Variants in TUSC3 observed in about 807,000 individuals in gnomAD.
The protein encoded by TUSC3 is tumor suppressor candidate 3, also known as dolichyl-diphosphooligosaccharide--protein glycosyltransferase subunit TUSC3.
A neutral mutation model predicts 44.8 loss-of-function variants in TUSC3; 45 were observed. The observed-to-expected ratio is 1.00, with a 90% confidence interval of 0.79 to 1.29. The LOEUF is 1.29. TUSC3 is among the 50% of genes most tolerant of loss of function. TUSC3 has a pLI of 0.00. For missense variants in TUSC3, 519 were observed against 437.9 expected (o/e 1.19, Z -1.65); for synonymous variants, 212 against 152.9 (o/e 1.39, Z -2.85).
At chr8:15,799,760 A>G in the TUSC3 span, among the ~76,000 whole-genome samples, 1 of 152,178 alleles carries the variant, frequency 6.6e-6, no homozygotes, top group Non-Finnish European at 1.5e-5. Flanking sequence ...AGGACTATGA[A>G]GGGTCTGAAA....
At chr8:15,686,217 G>T (rs1308799741) in intron 6 of TUSC3, among the ~76,000 whole-genome samples, 1 of 152,022 alleles carries the variant, frequency 6.6e-6, no homozygotes, top group African/African-American at 2.4e-5. Context: ...AATTTTTGTT[G>T]TTAAAAAAGC....
chr8:15,792,624 G>C, the TUSC3 span, among the ~76,000 whole-genome samples: 1 of 151,548 alleles, frequency 6.6e-6, no homozygotes, highest in South Asian at 2.1e-4. Flanking sequence ...TTTTTTGTTT[G>C]TTTCTTTTTG....
chr8:15,419,449 C>A (rs749888728), intron 1 of TUSC3, among the ~76,000 whole-genome samples: 1 of 152,120 alleles, frequency 6.6e-6, no homozygotes, highest in Non-Finnish European at 1.5e-5. Context: ...CGCCAGCAAT[C>A]ATAATATTTT....
chr8:15,825,885 C>CTTTT, the TUSC3 span, among the ~76,000 whole-genome samples: 3 of 120,380 alleles, frequency 2.5e-5, no homozygotes, highest in Non-Finnish European at 5.4e-5. Flanking sequence ...ACAGTTGTTT[C>CTTTT]TTTTTTTTTT....
chr8:15,680,544 T>C (rs954433236), intron 6 of TUSC3, among the ~76,000 whole-genome samples: 1 of 152,140 alleles, frequency 6.6e-6, no homozygotes, highest in African/African-American at 2.4e-5. Context: ...AGAGAGATAC[T>C]TTGACTTATT....
At chr8:15,738,685 GT>G (rs1452618167) in intron 7 of TUSC3, among the ~76,000 whole-genome samples, 3 of 152,012 alleles carry the variant, frequency 2.0e-5, no homozygotes, top group East Asian at 3.9e-4. Flanking sequence ...AACAGTTACT[GT>G]TTTTATCTTT....
intron 2 of TUSC3, among the ~76,000 whole-genome samples, chr8:15,485,237 C>T (rs1036197192): frequency 6.6e-6 from 1 of 152,128 alleles, no homozygotes; most frequent in Non-Finnish European, 1.5e-5. Flanking sequence ...TTTCAGACAT[C>T]GGCAGTGCAG....
At chr8:15,491,695 G>C (rs1179480607) in intron 2 of TUSC3, among the ~76,000 whole-genome samples, 1 of 152,114 alleles carries the variant, frequency 6.6e-6, no homozygotes, top group Non-Finnish European at 1.5e-5. Flanking sequence ...GAGAAACTAA[G>C]GCTAAGCACC....
rs1809323392 is a variant in TUSC3, at chr8:15,699,908, C to T, written c.798+26072C>T. Among the ~76,000 whole-genome samples, 3 of 152,236 alleles carry T rather than the reference C, an allele frequency of 2.0e-5. No individual in the cohort carries two copies. In the South Asian group the frequency reaches 6.2e-4, roughly 32 times the overall value. The stretch of plus-strand genomic sequence containing the variant: ...ATTATATAAGCATCAGCAAAAGCCT[C>T]TATATAATGTCTTGCTAGCCCATTT... On this transcript the variant is annotated intron_variant, in intron 6 of 10. Coordinates refer to ENST00000503731, the MANE Select transcript of TUSC3 (RefSeq NM_006765.4).
At chr8:15,667,797 C>A (rs1316097379) in intron 5 of TUSC3, among the ~76,000 whole-genome samples, 1 of 151,674 alleles carries the variant, frequency 6.6e-6, no homozygotes, top group Admixed American at 6.6e-5. Context: ...GAAATGTTTT[C>A]CCCAAACCAA....
the TUSC3 span, among the ~76,000 whole-genome samples, chr8:15,824,612 G>A: frequency 6.6e-6 from 1 of 151,618 alleles, no homozygotes; most frequent in South Asian, 2.1e-4. Context: ...CTGTTGTGGG[G>A]TGGGGGGAAG....
intron 1 of TUSC3, among the ~76,000 whole-genome samples, chr8:15,425,349 T>G (rs1465620421): frequency 6.6e-6 from 1 of 152,192 alleles, no homozygotes. Flanking sequence ...TTTGGCAGAC[T>G]GTTTCGTATT....
At chr8:15,743,343 A>C (rs1015888961) in intron 7 of TUSC3, 195 bp from the exon 8 acceptor site, 8 of 593,700 alleles carry the variant, frequency 1.3e-5, no homozygotes, top group Non-Finnish European at 2.4e-5. Flanking sequence ...TTGAAGTTTC[A>C]GGTTATAAAT....
chr8:15,434,695 C>T (rs1799922927), intron 1 of TUSC3, among the ~76,000 whole-genome samples: 1 of 151,876 alleles, frequency 6.6e-6, no homozygotes, highest in African/African-American at 2.4e-5. Flanking sequence ...CTTCCCCCAC[C>T]CCACAACAGG....
At chr8:15,567,942 G>T (rs938185472) in intron 1 of TUSC3, among the ~76,000 whole-genome samples, 9 of 152,044 alleles carry the variant, frequency 5.9e-5, no homozygotes, top group Non-Finnish European at 1.2e-4. Context: ...CCTTATTTTT[G>T]TCCTCTGTAG....
chr8:15,467,647 C>T (rs1210101181), intron 1 of TUSC3, among the ~76,000 whole-genome samples: 2 of 152,144 alleles, frequency 1.3e-5, no homozygotes, highest in Non-Finnish European at 1.5e-5. Flanking sequence ...AACTGCTGTC[C>T]ATGTGGCAAA....
At chr8:15,566,646 G>T (rs1229903871) in intron 1 of TUSC3, among the ~76,000 whole-genome samples, 4 of 151,368 alleles carry the variant, frequency 2.6e-5, no homozygotes, top group East Asian at 1.9e-4. Flanking sequence ...TTGAGACAGG[G>T]TCTTGCTCTG....
chr8:15,724,588 G>A (rs1810426581), intron 6 of TUSC3, among the ~76,000 whole-genome samples: 1 of 151,966 alleles, frequency 6.6e-6, no homozygotes, highest in Non-Finnish European at 1.5e-5. Flanking sequence ...TTTTGCTTTG[G>A]CAATAATTTT....
At chr8:15,427,694 T>C (rs1327828846) in intron 1 of TUSC3, among the ~76,000 whole-genome samples, 1 of 151,524 alleles carries the variant, frequency 6.6e-6, no homozygotes. Context: ...TCAGTCAAAT[T>C]CTTTGTTCTG....
Sources: gnomAD v4.1 joint callset for allele counts (sites outside exome capture counted in the v4.1 genomes callset) on GRCh38, gnomAD v4.1.1 for gene constraint, MANE v1.5 for transcripts, NCBI Gene and HGNC (gene_info 2026-07-23, HGNC 2026-07-21) for gene names.